Variants in BRINP3 observed in about 807,000 individuals in gnomAD.
BRINP3 encodes BMP/retinoic acid-inducible neural-specific protein 3.
Under a neutral mutation model 71.0 loss-of-function variants are expected in BRINP3, and 19 were observed. The observed-to-expected ratio is 0.27, with a 90% CI of 0.19 to 0.39. BRINP3 has a LOEUF of 0.39. BRINP3 is among the 10% of genes least tolerant of loss of function. BRINP3 has a pLI of 1.00. For missense variants in BRINP3, 959 were observed against 940.8 expected, an observed-to-expected ratio of 1.02 and a Z score of -0.25; for synonymous variants, 380 against 337.7, an observed-to-expected ratio of 1.13 and a Z score of -1.37.
chr1:190,318,196 A>G (rs566079346), intron 2 of BRINP3, among the ~76,000 whole-genome samples: 1 of 152,200 alleles, frequency 6.6e-6, no homozygotes, highest in African/African-American at 2.4e-5. Context: ...TAGAATTATA[A>G]TACCTGTATT....
chr1:190,376,731 C>T (rs1055438767), intron 2 of BRINP3, among the ~76,000 whole-genome samples: 1 of 151,996 alleles, frequency 6.6e-6, no homozygotes, highest in African/African-American at 2.4e-5. Flanking sequence ...GAATCTATTT[C>T]GTTGAACCTT....
chr1:190,291,478 T>C (rs1184916793), intron 2 of BRINP3, among the ~76,000 whole-genome samples: 4 of 152,066 alleles, frequency 2.6e-5, no homozygotes, highest in Non-Finnish European at 5.9e-5. Context: ...AATACCCTGA[T>C]TTGAAAATGA....
At chr1:190,475,065 A>T (rs1677413194) in intron 1 of BRINP3, among the ~76,000 whole-genome samples, 1 of 152,106 alleles carries the variant, frequency 6.6e-6, no homozygotes, top group South Asian at 2.1e-4. Context: ...TCAAGTTGAA[A>T]TCTAACTCTC....
At chr1:190,474,677 C>A (rs1368218736) in intron 1 of BRINP3, 2 of 152,246 alleles carry the variant, frequency 1.3e-5, no homozygotes, top group African/African-American at 4.8e-5. Context: ...GCCTACACGG[C>A]GTTTCCCAGC....
In BRINP3 at chr1:190,098,570, G is replaced by A. The variant is rs751024937; in HGVS notation, c.1749C>T (p.Ser583=). The A allele has an allele frequency of 1.2e-6, 2 of 1,614,154 alleles. No homozygotes were observed. Among genetic ancestry groups the A allele is most frequent in the South Asian group, 2.2e-5 (2 of 91,080 alleles). ...VNPFGGSHSE[S]WFMPVNENSF... is the part of the protein sequence containing the mutation. ...TGTTTTCATTCACAGGCATAAACCA[G>A]CTCTCAGAGTGGCTGCCTCCGAAGG... The change falls in exon 8 of 8, where the codon AGC becomes AGT. Residue 583 remains serine, a synonymous_variant. Transcript: ENST00000367462.
chr1:190,245,326 C>T (rs1343973980), intron 4 of BRINP3, among the ~76,000 whole-genome samples: 1 of 150,598 alleles, frequency 6.6e-6, no homozygotes, highest in Admixed American at 6.6e-5. Context: ...AACTTATTAT[C>T]AGTAAAAGTC....
At chr1:190,458,418 G>C (rs549223269) in intron 1 of BRINP3, among the ~76,000 whole-genome samples, 166 of 152,066 alleles carry the variant, frequency 1.1e-3, no homozygotes, top group African/African-American at 3.9e-3. Flanking sequence ...AATGCCTAAG[G>C]CAAGCATGTA....
intron 2 of BRINP3, among the ~76,000 whole-genome samples, chr1:190,360,758 A>G (rs1169986006): frequency 2.0e-5 from 3 of 152,050 alleles, no homozygotes; most frequent in Non-Finnish European, 1.5e-5. Context: ...TCCTGTTCTC[A>G]AAAACAACTA....
rs373617998 is a variant in BRINP3, at chr1:190,431,472, T to C, written c.236+23183A>G. 2.6e-5 allele frequency among the ~76,000 whole-genome samples: 4 copies of C among 152,264 alleles called. No individual in the cohort carries two copies. In the East Asian group the frequency reaches 5.8e-4, roughly 22 times the overall value. On this transcript the variant is annotated intron_variant, in intron 2 of 7. Coordinates refer to ENST00000367462, the MANE Select transcript of BRINP3 (RefSeq NM_199051.3). Reference sequence around the variant, plus strand: ...CCCTGGGTGAAGCTGTTCTCCTGCCTCATCCTCCCTAGTAGCTGGGATTAC... The same window carrying C: ...CCCTGGGTGAAGCTGTTCTCCTGCCCCATCCTCCCTAGTAGCTGGGATTAC...
At chr1:190,199,138 G>A (rs150928228) in intron 6 of BRINP3, among the ~76,000 whole-genome samples, 34 of 152,274 alleles carry the variant, frequency 2.2e-4, no homozygotes, top group Admixed American at 2.2e-3. Context: ...CAGATCTCAT[G>A]AGACTTATTC....
At chr1:190,166,994 G>A (rs990315776) in intron 6 of BRINP3, among the ~76,000 whole-genome samples, 5 of 152,026 alleles carry the variant, frequency 3.3e-5, no homozygotes, top group Admixed American at 3.3e-4. Flanking sequence ...CAAAGTGTTG[G>A]GATTACATGC....
chr1:190,205,038 G>T (rs1558063199), intron 6 of BRINP3, among the ~76,000 whole-genome samples: 2 of 151,120 alleles, frequency 1.3e-5, no homozygotes, highest in Non-Finnish European at 2.9e-5. Context: ...CTTCTGAGCA[G>T]AATCTTCACA....
chr1:190,449,221 T>C (rs905710777), intron 2 of BRINP3, among the ~76,000 whole-genome samples: 1 of 152,026 alleles, frequency 6.6e-6, no homozygotes, highest in Non-Finnish European at 1.5e-5. Context: ...TGTGGCTACA[T>C]TTTATTTTAT....
intron 2 of BRINP3, among the ~76,000 whole-genome samples, chr1:190,357,008 C>A (rs1668775343): frequency 6.6e-6 from 1 of 151,236 alleles, no homozygotes; most frequent in African/African-American, 2.5e-5. Flanking sequence ...CTTTCACAGA[C>A]ACATGGAAAT....
chr1:190,395,265 G>A (rs932914695), intron 2 of BRINP3, among the ~76,000 whole-genome samples: 18 of 151,682 alleles, frequency 1.2e-4, no homozygotes, highest in Non-Finnish European at 2.4e-4. Context: ...GCATAGTTTT[G>A]TCTAAATTCA....
intron 2 of BRINP3, among the ~76,000 whole-genome samples, chr1:190,416,497 G>C (rs1414904701): frequency 6.6e-6 from 1 of 152,086 alleles, no homozygotes; most frequent in East Asian, 1.9e-4. Context: ...AACTTCAGCG[G>C]TTAAACTACA....
intron 1 of BRINP3, chr1:190,475,630 G>C (rs982691157): frequency 6.6e-6 from 1 of 152,214 alleles, no homozygotes; most frequent in East Asian, 1.9e-4. Context: ...GGTGGCATAG[G>C]CGTTGCCGTG....
intron 6 of BRINP3, among the ~76,000 whole-genome samples, chr1:190,185,899 T>TA (rs1392512773): frequency 1.3e-5 from 2 of 152,122 alleles, no homozygotes; most frequent in Non-Finnish European, 2.9e-5. Flanking sequence ...TCCTTCTAGC[T>TA]ATTTGAAACT....
intron 7 of BRINP3, among the ~76,000 whole-genome samples, chr1:190,144,180 C>T (rs1655691340): frequency 6.6e-6 from 1 of 152,202 alleles, no homozygotes; most frequent in Non-Finnish European, 1.5e-5. Flanking sequence ...TTTTGAAATG[C>T]AACCCCCTCC....
Sources: allele counts gnomAD v4.1 joint callset (sites outside exome capture counted in the v4.1 genomes callset), GRCh38; gene constraint gnomAD v4.1.1; transcripts MANE v1.5; gene names NCBI Gene and HGNC (gene_info 2026-07-23, HGNC 2026-07-21).